The following FAM174A variants were observed in gnomAD, a reference collection of about 807,000 sequenced individuals.
FAM174A encodes family with sequence similarity 174 member A.
Under a neutral mutation model 14.3 loss-of-function variants are expected in FAM174A, and 14 were observed. The observed-to-expected ratio is 0.98, with a 90% CI of 0.65 to 1.53. FAM174A has a LOEUF of 1.53. Among genes scored for constraint, FAM174A ranks in the 40% most tolerant of loss-of-function variants. FAM174A has a pLI of 0.00. For synonymous variants in FAM174A, 108 were observed against 111.4 expected, an observed-to-expected ratio of 0.97 and a Z score of 0.19; for missense variants, 241 against 249.6, an observed-to-expected ratio of 0.97 and a Z score of 0.23.
At chr5:100,548,593 C>A (rs971834729) in intron 1 of FAM174A, among the ~76,000 whole-genome samples, 1 of 152,054 alleles carries the variant, frequency 6.6e-6, no homozygotes, top group African/African-American at 2.4e-5. Flanking sequence ...AAAACTCAGA[C>A]TCAGTAGTCA....
At chr5:100,581,209 C>A in intron 2 of FAM174A, 1 of 180,174 alleles carries the variant, frequency 5.6e-6, no homozygotes. Flanking sequence ...GGATTACAGG[C>A]GTGAGCCACT....
At chr5:100,556,485 A>C (rs990988096) in intron 1 of FAM174A, among the ~76,000 whole-genome samples, 4 of 152,172 alleles carry the variant, frequency 2.6e-5, no homozygotes, top group Admixed American at 6.5e-5. Flanking sequence ...GAAGAAAGTC[A>C]TTGGTAGCTT....
chr5:100,540,992 T>G (rs955586970), intron 1 of FAM174A, among the ~76,000 whole-genome samples: 1 of 152,330 alleles, frequency 6.6e-6, no homozygotes, highest in Middle Eastern at 3.4e-3. Context: ...CTTCACCACA[T>G]CAATAGCCAT....
chr5:100,556,894 G>T (rs1053541896), intron 1 of FAM174A, among the ~76,000 whole-genome samples: 2 of 152,000 alleles, frequency 1.3e-5, no homozygotes, highest in African/African-American at 4.8e-5. Flanking sequence ...GCAAACAGGG[G>T]CAATTTGACT....
Position 100,583,277 on chromosome 5 carries a change from C to T in FAM174A, c.570-2904C>T, listed in dbSNP as rs575477197. Among the ~76,000 whole-genome samples the T allele has an allele frequency of 4.8e-4, 73 of 152,276 alleles. No individual in the cohort carries two copies. In the Middle Eastern group the frequency reaches 0.014, roughly 28 times the overall value. ...AAGCAGGTGGAAGGGGAGGCAGGCACACTTGGTGTAACTTTACAGAAACAC... is the reference window on the plus strand; with the variant it reads ...AAGCAGGTGGAAGGGGAGGCAGGCATACTTGGTGTAACTTTACAGAAACAC... On this transcript the variant is annotated intron_variant, in intron 2 of 2. Coordinates refer to ENST00000312637, the MANE Select transcript of FAM174A (RefSeq NM_198507.3).
chr5:100,558,259 T>A (rs1746440224), intron 1 of FAM174A, among the ~76,000 whole-genome samples: 1 of 152,200 alleles, frequency 6.6e-6, no homozygotes, highest in Non-Finnish European at 1.5e-5. Flanking sequence ...TGAGTGAGTT[T>A]CTTATTCCTG....
chr5:100,554,310 C>CTTTTTT (rs34241194), intron 1 of FAM174A, among the ~76,000 whole-genome samples: 5 of 93,942 alleles, frequency 5.3e-5, no homozygotes, highest in Admixed American at 1.3e-4. Flanking sequence ...ATTTTTCTAT[C>CTTTTTT]TTTTTTTTTT....
At chr5:100,545,879 T>C (rs1746155615) in intron 1 of FAM174A, among the ~76,000 whole-genome samples, 1 of 152,208 alleles carries the variant, frequency 6.6e-6, no homozygotes, top group Non-Finnish European at 1.5e-5. Flanking sequence ...AAAGGAACTA[T>C]TATTTTTCCT....
At position 100,586,180 on chromosome 5, in the gene FAM174A, G is replaced by A. The variant is rs751448052; in HGVS notation, c.570-1G>A. 78 of 1,398,194 alleles carry A rather than the reference G, an allele frequency of 5.6e-5. No individual in the cohort carries two copies. The highest frequency in any genetic ancestry group is 7.6e-5 in the Non-Finnish European group (77 of 1,012,190). 86.6% of individuals were successfully genotyped at this position (1,398,194 alleles called of 1,614,324 possible). A position where few individuals can be genotyped will look rare whatever the true frequency, so the allele number is the denominator to read the frequency against. Reference sequence around the variant, plus strand: ...ATGGTATTTTTTTCTTTTTCTTGCAGATAAGAATGTGCCTTTTGATGAAAG... The same window carrying A: ...ATGGTATTTTTTTCTTTTTCTTGCAAATAAGAATGTGCCTTTTGATGAAAG... On this transcript the variant is annotated splice_acceptor_variant, in intron 2 of 2. Transcript: ENST00000312637. LOFTEE classifies it high-confidence loss of function.
Position 100,568,680 on chromosome 5 carries a change from G to C in FAM174A, c.569+6492G>C, listed in dbSNP as rs186709048. Among the ~76,000 whole-genome samples the C allele has an allele frequency of 2.7e-5, 4 of 150,914 alleles. No individual in the cohort carries two copies. The East Asian group carries it at 7.8e-4, about 29-fold the overall frequency. On this transcript the variant is annotated intron_variant, in intron 2 of 2. Coordinates refer to ENST00000312637, the MANE Select transcript of FAM174A (RefSeq NM_198507.3). ...TCAGTCTTATAATAAAACTGAATTA[G>C]TTTCTGAGTTTCTTTGCCTATTAAA...
chr5:100,548,463 T>C (rs1746202378), intron 1 of FAM174A, among the ~76,000 whole-genome samples: 1 of 152,100 alleles, frequency 6.6e-6, no homozygotes, highest in African/African-American at 2.4e-5. Context: ...AAAACAATTA[T>C]CTAGTTTGGT....
At chr5:100,577,909 A>T (rs1455654472) in intron 2 of FAM174A, among the ~76,000 whole-genome samples, 2 of 152,102 alleles carry the variant, frequency 1.3e-5, no homozygotes, top group Admixed American at 1.3e-4. Context: ...TTGGGATTGG[A>T]GTCACTGAAT....
chr5:100,547,610 T>G (rs1746189149), intron 1 of FAM174A, among the ~76,000 whole-genome samples: 1 of 152,000 alleles, frequency 6.6e-6, no homozygotes, highest in African/African-American at 2.4e-5. Flanking sequence ...AGATTGAAAA[T>G]TGCTGATGAA....
chr5:100,562,099 C>T lies in FAM174A; in HGVS notation c.480C>T (p.Asp160=). The part of the protein sequence containing the change: ...NRKTRRYGVL[D]TNIENMELTP... ...AGACTAGGAGATATGGAGTTTTGGACACTAACATAGAAAATATGGAATTGA... is the reference window on the plus strand; with the variant it reads ...AGACTAGGAGATATGGAGTTTTGGATACTAACATAGAAAATATGGAATTGA... The change falls in exon 2 of 3, where the codon GAC becomes GAT. Residue 160 remains aspartate, a synonymous_variant. Coordinates refer to ENST00000312637, the MANE Select transcript of FAM174A (RefSeq NM_198507.3). 6.3e-7 allele frequency: 1 copy of T among 1,586,032 alleles called. No individual in the cohort carries two copies. The highest frequency in any genetic ancestry group is 8.6e-7 in the Non-Finnish European group (1 of 1,166,712).
chr5:100,543,596 T>C (rs1249280219), intron 1 of FAM174A, among the ~76,000 whole-genome samples: 2 of 152,018 alleles, frequency 1.3e-5, no homozygotes, highest in African/African-American at 4.8e-5. Flanking sequence ...AATCAGATTT[T>C]TTGGTGTTTT....
chr5:100,557,285 C>T (rs1746411762), intron 1 of FAM174A, among the ~76,000 whole-genome samples: 1 of 152,036 alleles, frequency 6.6e-6, no homozygotes, highest in Admixed American at 6.6e-5. Context: ...AGGGATGAAG[C>T]CCACTTGATC....
intron 1 of FAM174A, among the ~76,000 whole-genome samples, chr5:100,547,324 A>G (rs1280341844): frequency 6.6e-6 from 1 of 152,144 alleles, no homozygotes; most frequent in Non-Finnish European, 1.5e-5. Flanking sequence ...TTAACAATGT[A>G]GATTTCCATA....
intron 2 of FAM174A, among the ~76,000 whole-genome samples, chr5:100,568,586 G>T (rs992619010): frequency 1.3e-4 from 19 of 148,178 alleles, no homozygotes; most frequent in Non-Finnish European, 3.0e-5. Context: ...TTTTTTGCCT[G>T]CTTCCTTTCC....
At chr5:100,559,852 A>AT (rs1313605586) in intron 1 of FAM174A, among the ~76,000 whole-genome samples, 1 of 151,418 alleles carries the variant, frequency 6.6e-6, no homozygotes, top group African/African-American at 2.4e-5. Flanking sequence ...CATTTGTCTA[A>AT]TTTTTTTTCA....
Sources: gnomAD v4.1 joint callset for allele counts (sites outside exome capture counted in the v4.1 genomes callset) on GRCh38, gnomAD v4.1.1 for gene constraint, MANE v1.5 for transcripts, NCBI Gene and HGNC (gene_info 2026-07-23, HGNC 2026-07-21) for gene names.